FILIP1L: variants seen among roughly 807,000 people sequenced by gnomAD.
FILIP1L encodes filamin A interacting protein 1 like, also known as filamin A-interacting protein 1-like.
A neutral mutation model predicts 96.6 loss-of-function variants in FILIP1L; 55 were observed. The observed-to-expected ratio is 0.57, with a 90% CI of 0.46 to 0.71. FILIP1L has a LOEUF of 0.71. Ranked by LOEUF, FILIP1L falls within the 30% of genes least tolerant of loss-of-function variation. The pLI is 0.00. For synonymous variants in FILIP1L, 467 were observed against 473.9 expected (o/e 0.99, Z 0.19); for missense variants, 1,304 against 1,321.2 (o/e 0.99, Z 0.20).
rs758172517 is a variant in FILIP1L, at chr3:99,983,832, G to GTTTATTTC, written c.-10-52803_-10-52802insGAAATAAA. 2.1e-4 allele frequency among the ~76,000 whole-genome samples: 32 copies of GTTTATTTC among 151,908 alleles called. 1 individual carries two copies. The highest frequency in any genetic ancestry group is 4.2e-4 in the South Asian group (2 of 4,810). On this transcript the variant is annotated intron_variant, in intron 1 of 5. Coordinates refer to ENST00000477258, the MANE Select transcript of FILIP1L (RefSeq NM_001387850.1). The stretch of plus-strand genomic sequence containing the variant: ...CAGAGGATGAAAGCAAAGGAGAATG[G>GTTTATTTC]ACCATCTGATGAAATAAACTTATAA...
At chr3:100,037,996 C>A (rs1452145277) in intron 1 of FILIP1L, among the ~76,000 whole-genome samples, 2 of 148,940 alleles carry the variant, frequency 1.3e-5, no homozygotes, top group African/African-American at 5.0e-5. Context: ...CGCTCTGTCG[C>A]CCAGGTGGAG....
intron 1 of FILIP1L, among the ~76,000 whole-genome samples, chr3:99,947,299 A>G (rs1408128297): frequency 1.3e-5 from 2 of 152,254 alleles, no homozygotes; most frequent in South Asian, 4.1e-4. Context: ...TGTATCTGTT[A>G]TACTATACAT....
chr3:99,897,362 T>C (rs1273766508), intron 4 of FILIP1L, among the ~76,000 whole-genome samples: 1 of 151,690 alleles, frequency 6.6e-6, no homozygotes, highest in Non-Finnish European at 1.5e-5. Context: ...AGAGCTAGAC[T>C]TTGTCTCAAA....
chr3:99,944,657 C>T (rs1385017215), intron 1 of FILIP1L, among the ~76,000 whole-genome samples: 1 of 152,212 alleles, frequency 6.6e-6, no homozygotes, highest in African/African-American at 2.4e-5. Flanking sequence ...AGTGGCAGAA[C>T]AGGAATTCAA....
At chr3:100,006,785 A>G (rs7649349) in intron 1 of FILIP1L, among the ~76,000 whole-genome samples, 88,794 of 152,068 alleles carry the variant, frequency 0.58, 26,083 homozygotes, top group East Asian at 0.72. Flanking sequence ...GTAAATTAAT[A>G]ATTGCGGCAT....
Position 99,849,758 on chromosome 3 carries a change from T to G in FILIP1L, c.1918A>C (p.Lys640Gln). The change falls in exon 5 of 6, where the codon AAG (lysine) becomes CAG (glutamine). Residue 640 changes from lysine (K) to glutamine (Q), a missense_variant. Transcript: ENST00000477258. ...QEVERLKLKLKDMKAIEDDLM... is the reference protein window; with the variant it reads ...QEVERLKLKLQDMKAIEDDLM... ...TCATCCTCAATGGCTTTCATGTCCT[T>G]TAGCTTCAGTTTCAGTCTTTCCACT... 3 of 1,613,826 alleles carry G rather than the reference T, an allele frequency of 1.9e-6. No individual in the cohort carries two copies. The highest frequency in any genetic ancestry group is 2.5e-6 in the Non-Finnish European group (3 of 1,180,010).
Position 99,830,354 on chromosome 3 carries a change from A to C in FILIP1L, c.*60T>G. On this transcript the variant is annotated 3_prime_UTR_variant, in exon 6 of 6. Transcript: ENST00000477258. ...TGGTCCTTTGGCCTTTCATAGTGGT[A>C]ATTTTAGCTTTCCACATATTTCTGT... The C allele has an allele frequency of 2.7e-6, 1 of 363,656 alleles. No individual in the cohort carries two copies. Among genetic ancestry groups the C allele is most frequent in the Admixed American group, 3.3e-5 (1 of 29,854 alleles). 22.5% of individuals were successfully genotyped at this position (363,656 alleles called of 1,614,324 possible).
chr3:99,950,604 G>A (rs902486205), intron 1 of FILIP1L, among the ~76,000 whole-genome samples: 2 of 152,194 alleles, frequency 1.3e-5, no homozygotes, highest in Admixed American at 6.5e-5. Context: ...GTTCCCAGCA[G>A]GAAGTGGCCC....
intron 4 of FILIP1L, among the ~76,000 whole-genome samples, chr3:99,893,162 CTT>C (rs1200176411): frequency 2.0e-4 from 21 of 107,610 alleles, no homozygotes; most frequent in African/African-American, 4.4e-4. Flanking sequence ...GGCATCTAGA[CTT>C]TTTTTTTTTT....
intron 1 of FILIP1L, among the ~76,000 whole-genome samples, chr3:99,981,949 G>T (rs1410769850): frequency 1.3e-5 from 2 of 152,156 alleles, no homozygotes; most frequent in Non-Finnish European, 2.9e-5. Context: ...AACATAGTGA[G>T]ATCCTGCCTC....
intron 4 of FILIP1L, among the ~76,000 whole-genome samples, chr3:99,893,020 G>A (rs1259314808): frequency 6.6e-6 from 1 of 152,148 alleles, no homozygotes; most frequent in Non-Finnish European, 1.5e-5. Context: ...GAGGAGGAGT[G>A]GCAATGCCTT....
chr3:100,084,198 G>A (rs913613911), intron 1 of FILIP1L, among the ~76,000 whole-genome samples: 1 of 152,140 alleles, frequency 6.6e-6, no homozygotes, highest in African/African-American at 2.4e-5. Flanking sequence ...GCTCCGTATT[G>A]TTATTTCATG....
chr3:99,934,239 G>A (rs768112198), intron 1 of FILIP1L, among the ~76,000 whole-genome samples: 1 of 152,146 alleles, frequency 6.6e-6, no homozygotes, highest in South Asian at 2.1e-4. Context: ...ACCTCTACAT[G>A]GAAGAAGATA....
At chr3:99,941,136 C>G (rs190676202) in intron 1 of FILIP1L, among the ~76,000 whole-genome samples, 1 of 152,272 alleles carries the variant, frequency 6.6e-6, no homozygotes, top group East Asian at 1.9e-4. Flanking sequence ...ACTAACTTTT[C>G]TAAAGCTTCT....
chr3:100,052,010 C>G (rs1450165323), intron 1 of FILIP1L, among the ~76,000 whole-genome samples: 1 of 150,856 alleles, frequency 6.6e-6, no homozygotes, highest in Non-Finnish European at 1.5e-5. Flanking sequence ...ATATTTCAAG[C>G]AAGAAACACA....
At chr3:100,017,398 T>C (rs1345436629) in intron 1 of FILIP1L, among the ~76,000 whole-genome samples, 2 of 152,180 alleles carry the variant, frequency 1.3e-5, no homozygotes, top group Non-Finnish European at 2.9e-5. Flanking sequence ...CCTCTCCCAT[T>C]ATTAGTAACT....
At chr3:100,069,533 C>G (rs1442529938) in intron 1 of FILIP1L, among the ~76,000 whole-genome samples, 1 of 152,144 alleles carries the variant, frequency 6.6e-6, no homozygotes, top group East Asian at 1.9e-4. Context: ...ATTTCTGATA[C>G]GGCAGCCAAT....
intron 1 of FILIP1L, among the ~76,000 whole-genome samples, chr3:99,971,348 A>AG (rs1211074838): frequency 1.8e-4 from 28 of 151,424 alleles, no homozygotes; most frequent in African/African-American, 2.4e-4. Context: ...AAAAAAAAAA[A>AG]AGAGAATATG....
chr3:99,847,839 TA>T, intron 5 of FILIP1L: 1 of 569,226 alleles, frequency 1.8e-6, no homozygotes, highest in South Asian at 7.6e-5. Context: ...AAGGAAGAAT[TA>T]ATAGAGACTA....
Sources: gnomAD v4.1 joint callset for allele counts (sites outside exome capture counted in the v4.1 genomes callset) on GRCh38, gnomAD v4.1.1 for gene constraint, MANE v1.5 for transcripts, NCBI Gene and HGNC (gene_info 2026-07-23, HGNC 2026-07-21) for gene names.